Variants in ADGRV1 observed in about 807,000 individuals in gnomAD.
ADGRV1 encodes the protein G-protein coupled receptor 98.
In ADGRV1, 359 loss-of-function variants were observed where a neutral mutation model predicts 596.2. That is an observed-to-expected ratio of 0.60 (90% CI 0.55 to 0.66). ADGRV1 has a LOEUF of 0.66. ADGRV1 is among the 30% of genes least tolerant of loss of function. The probability of loss-of-function intolerance (pLI) is 0.00; values close to 1 mark genes in which losing one functional copy is unlikely to be tolerated. For missense variants in ADGRV1, 7,274 were observed against 7,575.6 expected, an observed-to-expected ratio of 0.96 and a Z score of 1.48; for synonymous variants, 2,681 against 2,679.2, an observed-to-expected ratio of 1.00 and a Z score of -0.02.
rs898168863 is a variant in ADGRV1 at position 91,153,989 on chromosome 5, C to T, written c.18802+591C>T. The stretch of plus-strand genomic sequence containing the variant: ...CTAAGGCAATAAAAGACCATGAAAC[C>T]GCCTGATTAAGGGTCACACGCTCCT... On this transcript the variant is annotated intron_variant, in intron 89 of 89. Transcript: ENST00000405460. 7.9e-5 allele frequency among the ~76,000 whole-genome samples: 12 copies of T among 152,286 alleles called. No homozygotes were observed. In the East Asian group the frequency reaches 1.9e-3, roughly 24 times the overall value.
At chr5:91,056,909 CTAAAA>C (rs911087547) in intron 85 of ADGRV1, among the ~76,000 whole-genome samples, 14 of 152,086 alleles carry the variant, frequency 9.2e-5, no homozygotes, top group Non-Finnish European at 5.9e-5. Flanking sequence ...TCTCCATAGT[CTAAAA>C]TAAACATAAA....
At chr5:90,887,230 T>TGGGTGCCGTGGTCTCTGCCTGGCATGC (rs1418636673) in intron 83 of ADGRV1, among the ~76,000 whole-genome samples, 17 of 152,254 alleles carry the variant, frequency 1.1e-4, no homozygotes, top group African/African-American at 4.1e-4. Context: ...GGAACCTTTG[T>TGGGTGCCGTGGTCTCTGCCTGGCATGC]GGGTGCCGTG....
chr5:90,960,766 G>C (rs953613694), intron 83 of ADGRV1, among the ~76,000 whole-genome samples: 7 of 152,100 alleles, frequency 4.6e-5, no homozygotes, highest in Non-Finnish European at 1.0e-4. Context: ...AGAAATTCTA[G>C]ATAAAAGGAA....
chr5:90,643,790 A>G lies in ADGRV1; in HGVS notation c.2554-13A>G. On this transcript the variant is annotated splice_polypyrimidine_tract_variant and intron_variant, in intron 13 of 89. Transcript: ENST00000405460. ...AACTTTATAATTTCCATACTTTGACACATTCACTTTAGTTGGATGAACACT... is the reference window on the plus strand; with the variant it reads ...AACTTTATAATTTCCATACTTTGACGCATTCACTTTAGTTGGATGAACACT... 1 of 1,567,380 alleles carries G rather than the reference A, an allele frequency of 6.4e-7. No individual in the cohort carries two copies. The highest frequency in any genetic ancestry group is 8.6e-7 in the Non-Finnish European group (1 of 1,156,232).
At chr5:90,590,553 GGC>G (rs1372938423) in intron 1 of ADGRV1, among the ~76,000 whole-genome samples, 1 of 152,086 alleles carries the variant, frequency 6.6e-6, no homozygotes, top group Non-Finnish European at 1.5e-5. Context: ...AAGAGGACTG[GGC>G]AGAAACTTCA....
At chr5:90,583,063 G>GTAT (rs1663002679) in intron 1 of ADGRV1, among the ~76,000 whole-genome samples, 1 of 152,070 alleles carries the variant, frequency 6.6e-6, no homozygotes, top group African/African-American at 2.4e-5. Flanking sequence ...CAATCTTTGA[G>GTAT]TATTATTGTA....
chr5:91,105,975 TC>T (rs1791834196), intron 87 of ADGRV1, among the ~76,000 whole-genome samples: 1 of 151,102 alleles, frequency 6.6e-6, no homozygotes, highest in African/African-American at 2.4e-5. Context: ...GCCTGTAAAA[TC>T]TTTTATTTAT....
intron 85 of ADGRV1, among the ~76,000 whole-genome samples, chr5:91,035,861 T>TATAATATA: frequency 4.5e-4 from 43 of 96,332 alleles, no homozygotes; most frequent in Non-Finnish European, 7.8e-4. Flanking sequence ...TATATATATA[T>TATAATATA]TATATATATA....
At chr5:90,588,356 A>T (rs1759048341) in intron 1 of ADGRV1, among the ~76,000 whole-genome samples, 2 of 152,230 alleles carry the variant, frequency 1.3e-5, no homozygotes, top group Non-Finnish European at 2.9e-5. Context: ...AGTAAAAATG[A>T]GATTAAAAAA....
chr5:91,126,510 G>A (rs182830273), intron 87 of ADGRV1, among the ~76,000 whole-genome samples: 27 of 152,314 alleles, frequency 1.8e-4, no homozygotes, highest in African/African-American at 5.8e-4. Flanking sequence ...TAGTGAAGAG[G>A]GTAGAAGTAG....
chr5:91,148,417 A>G (rs1795738950), intron 87 of ADGRV1, among the ~76,000 whole-genome samples: 1 of 152,220 alleles, frequency 6.6e-6, no homozygotes, highest in African/African-American at 2.4e-5. Flanking sequence ...GGGCTAAGGT[A>G]CAGCTCAGGC....
intron 87 of ADGRV1, among the ~76,000 whole-genome samples, chr5:91,145,631 A>T (rs1366218325): frequency 6.6e-6 from 1 of 151,570 alleles, no homozygotes; most frequent in African/African-American, 2.4e-5. Flanking sequence ...ACAATTTAGA[A>T]TATTATTATT....
chr5:90,999,185 C>T (rs1294034947), intron 85 of ADGRV1, among the ~76,000 whole-genome samples: 1 of 151,812 alleles, frequency 6.6e-6, no homozygotes, highest in African/African-American at 2.4e-5. Context: ...ATTTTTATTT[C>T]TCTATTAACA....
At chr5:90,629,784 C>A in intron 9 of ADGRV1, 2 of 316,668 alleles carry the variant, frequency 6.3e-6, no homozygotes, top group South Asian at 6.2e-5. Context: ...GTACACCAGA[C>A]GTGAAATGCC....
At chr5:90,819,289 A>G (rs1287788734) in intron 75 of ADGRV1, among the ~76,000 whole-genome samples, 2 of 151,034 alleles carry the variant, frequency 1.3e-5, no homozygotes, top group Admixed American at 1.3e-4. Context: ...TATTCCGTCT[A>G]TTTGATTCTT....
chr5:90,748,069 A>C (rs1754823273), intron 52 of ADGRV1, among the ~76,000 whole-genome samples: 1 of 152,216 alleles, frequency 6.6e-6, no homozygotes, highest in African/African-American at 2.4e-5. Context: ...TACAGTAATA[A>C]ATGATGGAGC....
At chr5:91,070,908 T>C (rs1788332107) in intron 85 of ADGRV1, among the ~76,000 whole-genome samples, 1 of 152,128 alleles carries the variant, frequency 6.6e-6, no homozygotes. Flanking sequence ...AACAAGATTG[T>C]GGAGATGACA....
chr5:90,986,147 G>A (rs192234495), intron 85 of ADGRV1, among the ~76,000 whole-genome samples: 4 of 146,766 alleles, frequency 2.7e-5, no homozygotes, highest in African/African-American at 7.5e-5. Flanking sequence ...TCCTAAATCC[G>A]GTATGTTGTA....
At chr5:91,060,792 G>A (rs1359881907) in intron 85 of ADGRV1, among the ~76,000 whole-genome samples, 2 of 150,036 alleles carry the variant, frequency 1.3e-5, no homozygotes, top group Non-Finnish European at 3.0e-5. Context: ...TTTTCTTGGA[G>A]CATTTGTAAC....
Sources: allele counts gnomAD v4.1 joint callset (sites outside exome capture counted in the v4.1 genomes callset), GRCh38; gene constraint gnomAD v4.1.1; transcripts MANE v1.5; gene names NCBI Gene and HGNC (gene_info 2026-07-23, HGNC 2026-07-21).